EFCAB13: variants seen among roughly 807,000 people sequenced by gnomAD.
The protein encoded by EFCAB13 is EF-hand calcium-binding domain-containing protein 13.
Under a neutral mutation model 110.2 loss-of-function variants are expected in EFCAB13, and 91 were observed. The ratio of observed to expected loss-of-function variants is 0.83; its 90% CI spans 0.70 to 0.98. EFCAB13 has a LOEUF of 0.98. Ranked by LOEUF, EFCAB13 falls within the 50% of genes least tolerant of loss-of-function variation. The probability of loss-of-function intolerance (pLI) is 0.00; values close to 1 mark genes in which losing one functional copy is unlikely to be tolerated. For synonymous variants in EFCAB13, 323 were observed against 369.9 expected (o/e 0.87, Z 1.45); for missense variants, 968 against 1,119.4 (o/e 0.86, Z 1.93).
At chr17:47,405,064 T>C (rs567828800) in intron 20 of EFCAB13, among the ~76,000 whole-genome samples, 1 of 152,304 alleles carries the variant, frequency 6.6e-6, no homozygotes, top group South Asian at 2.1e-4. Flanking sequence ...CTGTCCATAA[T>C]ATTGCACAAC....
intron 10 of EFCAB13, among the ~76,000 whole-genome samples, chr17:47,368,798 A>G (rs1333040506): frequency 2.6e-5 from 4 of 152,206 alleles, no homozygotes; most frequent in African/African-American, 7.2e-5. Context: ...ATGAAATATT[A>G]TGGGAAGATG....
At chr17:47,411,321 A>G (rs752974025) in intron 21 of EFCAB13, among the ~76,000 whole-genome samples, 6 of 152,188 alleles carry the variant, frequency 3.9e-5, no homozygotes, top group Non-Finnish European at 7.3e-5. Flanking sequence ...ATTTGCATAT[A>G]CTGTTTCCTT....
At chr17:47,405,850 A>G (rs185814659) in intron 20 of EFCAB13, among the ~76,000 whole-genome samples, 1 of 151,684 alleles carries the variant, frequency 6.6e-6, no homozygotes, top group East Asian at 1.9e-4. Context: ...AGTCCTTTAT[A>G]TTGTTCCCTT....
At chr17:47,388,063 G>T (rs763903063) in intron 14 of EFCAB13, among the ~76,000 whole-genome samples, 1 of 152,214 alleles carries the variant, frequency 6.6e-6, no homozygotes, top group Non-Finnish European at 1.5e-5. Context: ...CAGCCACTCT[G>T]ATTTGGTGTC....
intron 23 of EFCAB13, among the ~76,000 whole-genome samples, chr17:47,415,792 C>G (rs1352477999): frequency 2.0e-5 from 3 of 152,150 alleles, no homozygotes; most frequent in African/African-American, 7.2e-5. Context: ...GTATCAATCC[C>G]TGTATTATTC....
intron 10 of EFCAB13, among the ~76,000 whole-genome samples, chr17:47,362,652 G>A (rs1329650502): frequency 6.6e-6 from 1 of 152,200 alleles, no homozygotes; most frequent in Non-Finnish European, 1.5e-5. Context: ...CACACTCCTA[G>A]TCTGCCTTCA....
At chr17:47,425,025 G>GGCGCCCGCTACC (rs1199514721) in intron 23 of EFCAB13, among the ~76,000 whole-genome samples, 47 of 147,788 alleles carry the variant, frequency 3.2e-4, no homozygotes, top group Non-Finnish European at 1.8e-4. Context: ...TGGGACTACA[G>GGCGCCCGCTACC]GCGCCCGCTA....
chr17:47,327,653 C>T (rs1296498227), intron 3 of EFCAB13, among the ~76,000 whole-genome samples: 1 of 152,184 alleles, frequency 6.6e-6, no homozygotes, highest in African/African-American at 2.4e-5. Context: ...TACGGGGTTT[C>T]ACCATATTGA....
chr17:47,376,740 T>C (rs1361852558), intron 12 of EFCAB13, among the ~76,000 whole-genome samples: 1 of 152,222 alleles, frequency 6.6e-6, no homozygotes, highest in Non-Finnish European at 1.5e-5. Context: ...GAATGTTCTT[T>C]TTCAATTCCA....
chr17:47,330,169 C>G (rs940121585), intron 4 of EFCAB13, among the ~76,000 whole-genome samples: 1 of 149,318 alleles, frequency 6.7e-6, no homozygotes, highest in African/African-American at 2.5e-5. Flanking sequence ...TATTTCTAAA[C>G]GTTTATTGTC....
intron 5 of EFCAB13, chr17:47,339,897 TGTAAA>T (rs754174516): frequency 8.5e-5 from 13 of 152,126 alleles, no homozygotes; most frequent in Admixed American, 3.3e-4. Context: ...TGAAAGGAAA[TGTAAA>T]GTAAGCCTGG....
At chr17:47,381,876 T>A (rs1185744272) in intron 14 of EFCAB13, among the ~76,000 whole-genome samples, 2 of 152,302 alleles carry the variant, frequency 1.3e-5, no homozygotes, top group East Asian at 3.9e-4. Flanking sequence ...TTAAAGTAGT[T>A]TTTTAATTCT....
chr17:47,359,722 C>T (rs2065500751), intron 9 of EFCAB13, among the ~76,000 whole-genome samples: 1 of 148,836 alleles, frequency 6.7e-6, no homozygotes, highest in African/African-American at 2.5e-5. Flanking sequence ...TGTGCTGCAC[C>T]CATTAACTCG....
chr17:47,327,519 G>A (rs919586747), intron 3 of EFCAB13, among the ~76,000 whole-genome samples: 2 of 151,870 alleles, frequency 1.3e-5, no homozygotes, highest in Non-Finnish European at 2.9e-5. Context: ...GTGCAGTGGT[G>A]CGATCTTGGC....
chr17:47,409,824 T>C, intron 21 of EFCAB13, 133 bp downstream of exon 21: 1 of 676,768 alleles, frequency 1.5e-6, no homozygotes, highest in Admixed American at 2.4e-5. Context: ...ACAATAGTAA[T>C]CTGATCATGT....
intron 23 of EFCAB13, among the ~76,000 whole-genome samples, chr17:47,427,819 A>G (rs1317808753): frequency 6.6e-6 from 1 of 152,006 alleles, no homozygotes; most frequent in East Asian, 1.9e-4. Context: ...TATCTTTTTA[A>G]AAAACATATG....
At chr17:47,361,620 C>T in intron 10 of EFCAB13, 99 bp downstream of exon 10, 3 of 1,000,826 alleles carry the variant, frequency 3.0e-6, no homozygotes, top group South Asian at 4.3e-5. Context: ...CTTTGCTTCT[C>T]CTTTTTTCTC....
chr17:47,354,677 A>G (rs972792983), intron 9 of EFCAB13, among the ~76,000 whole-genome samples: 1 of 152,190 alleles, frequency 6.6e-6, no homozygotes, highest in South Asian at 2.1e-4. Context: ...TGATACAAGA[A>G]TAGCTACTCC....
chr17:47,398,306 C>G (rs1248687219), intron 17 of EFCAB13, among the ~76,000 whole-genome samples: 14 of 149,876 alleles, frequency 9.3e-5, no homozygotes, highest in East Asian at 2.2e-4. Context: ...GCCCGGCCGC[C>G]CCTACTGGGA....
Sources: allele counts gnomAD v4.1 joint callset (sites outside exome capture counted in the v4.1 genomes callset), GRCh38; gene constraint gnomAD v4.1.1; transcripts MANE v1.5; gene names NCBI Gene and HGNC (gene_info 2026-07-23, HGNC 2026-07-21).